The following GABRB3 variants were observed in gnomAD, a reference collection of about 807,000 sequenced individuals.
GABRB3 encodes the protein gamma-aminobutyric acid receptor subunit beta-3.
A neutral mutation model predicts 52.1 loss-of-function variants in GABRB3; 14 were observed. The ratio of observed to expected loss-of-function variants is 0.27; its 90% CI spans 0.18 to 0.42. The LOEUF (loss-of-function observed/expected upper bound fraction) is 0.42. GABRB3 is among the 10% of genes least tolerant of loss of function. GABRB3 has a pLI of 1.00. For missense variants in GABRB3, 307 were observed against 609.1 expected (o/e 0.50, Z 5.22); for synonymous variants, 260 against 232.3 (o/e 1.12, Z -1.08).
At chr15:26,562,305 G>C (rs1393181763) in intron 7 of GABRB3, among the ~76,000 whole-genome samples, 1 of 152,224 alleles carries the variant, frequency 6.6e-6, no homozygotes, top group Non-Finnish European at 1.5e-5. Flanking sequence ...TTTGAGGGCT[G>C]AGCTCTTTTC....
At chr15:26,724,257 C>T (rs116351438) in intron 3 of GABRB3, among the ~76,000 whole-genome samples, 3 of 152,274 alleles carry the variant, frequency 2.0e-5, no homozygotes, top group African/African-American at 7.2e-5. Flanking sequence ...CCTCCTGGGC[C>T]ATCACAGCTG....
chr15:26,717,662 C>T (rs1451636372), intron 3 of GABRB3, among the ~76,000 whole-genome samples: 1 of 152,180 alleles, frequency 6.6e-6, no homozygotes, highest in African/African-American at 2.4e-5. Context: ...TGGCTCCCTC[C>T]CTCACCCATC....
intron 3 of GABRB3, among the ~76,000 whole-genome samples, chr15:26,693,602 C>G (rs1888649515): frequency 6.6e-6 from 1 of 151,258 alleles, no homozygotes; most frequent in South Asian, 2.1e-4. Context: ...GTTCTCACAA[C>G]AAGAAAAAAA....
intron 3 of GABRB3, among the ~76,000 whole-genome samples, chr15:26,654,381 T>C (rs895108134): frequency 6.6e-6 from 1 of 152,112 alleles, no homozygotes; most frequent in East Asian, 1.9e-4. Context: ...CTCCTGACCT[T>C]GTGATCTGCC....
At chr15:26,687,895 ATTATT>A (rs1888457297) in intron 3 of GABRB3, among the ~76,000 whole-genome samples, 1 of 152,210 alleles carries the variant, frequency 6.6e-6, no homozygotes, top group Non-Finnish European at 1.5e-5. Flanking sequence ...ATAAACACCT[ATTATT>A]TTAATTGTTA....
At chr15:26,766,611 C>T (rs1321079163) in intron 3 of GABRB3, among the ~76,000 whole-genome samples, 1 of 151,576 alleles carries the variant, frequency 6.6e-6, no homozygotes, top group Non-Finnish European at 1.5e-5. Flanking sequence ...ATTTTATTTA[C>T]CATTATCCAA....
At chr15:26,746,505 T>G (rs1027665706) in intron 3 of GABRB3, among the ~76,000 whole-genome samples, 1 of 152,172 alleles carries the variant, frequency 6.6e-6, no homozygotes, top group Admixed American at 6.5e-5. Context: ...TAAGAATTCT[T>G]CTTCTAGCCC....
chr15:26,564,634 A>G (rs1395475486), intron 7 of GABRB3, among the ~76,000 whole-genome samples: 1 of 151,986 alleles, frequency 6.6e-6, no homozygotes, highest in African/African-American at 2.4e-5. Flanking sequence ...TGAATGCAAA[A>G]AGCACTGTAA....
At chr15:26,771,344 A>C (rs897473958) in intron 3 of GABRB3, among the ~76,000 whole-genome samples, 1 of 152,162 alleles carries the variant, frequency 6.6e-6, no homozygotes, top group African/African-American at 2.4e-5. Flanking sequence ...AGGAACTAGC[A>C]GGCACGCATT....
intron 3 of GABRB3, among the ~76,000 whole-genome samples, chr15:26,731,625 C>G (rs891243534): frequency 1.3e-5 from 2 of 152,024 alleles, no homozygotes; most frequent in African/African-American, 4.8e-5. Flanking sequence ...AGATAATGGC[C>G]TTCCCTCCCT....
intron 3 of GABRB3, among the ~76,000 whole-genome samples, chr15:26,698,557 T>C (rs1888819991): frequency 6.6e-6 from 1 of 151,550 alleles, no homozygotes; most frequent in African/African-American, 2.4e-5. Context: ...AGGATAAAAA[T>C]AGAAAAGAGA....
At chr15:26,706,479 C>T (rs536696665) in intron 3 of GABRB3, among the ~76,000 whole-genome samples, 1 of 150,802 alleles carries the variant, frequency 6.6e-6, no homozygotes, top group East Asian at 2.0e-4. Flanking sequence ...GCATGTTATG[C>T]TTTGTTAATA....
At chr15:26,581,402 C>T (rs1377797258) in intron 5 of GABRB3, among the ~76,000 whole-genome samples, 1 of 152,182 alleles carries the variant, frequency 6.6e-6, no homozygotes, top group Admixed American at 6.5e-5. Flanking sequence ...CAGCTAATGC[C>T]ACCTTCCTGG....
At position 26,586,455 on chromosome 15, in the gene GABRB3, G is replaced by A. The variant is rs367610327; in HGVS notation, c.462-3041C>T. ...ACATACACATAAACATGCCCAAATT[G>A]TTCGGGGACACCATGTGCAGTGGTC... On this transcript the variant is annotated intron_variant, in intron 4 of 8. Coordinates refer to ENST00000311550, the MANE Select transcript of GABRB3 (RefSeq NM_000814.6). Among the ~76,000 whole-genome samples the A allele has an allele frequency of 3.7e-5, 4 of 109,588 alleles. No individual in the cohort carries two copies. In the East Asian group the frequency reaches 1.3e-3, roughly 37 times the overall value. The allele number at this position is 109,588 out of a possible 152,430, so 71.9% of individuals were successfully genotyped here. A position where few individuals can be genotyped will look rare whatever the true frequency, so the allele number is the denominator to read the frequency against.
At chr15:26,763,918 G>C (rs1890892523) in intron 3 of GABRB3, among the ~76,000 whole-genome samples, 1 of 151,552 alleles carries the variant, frequency 6.6e-6, no homozygotes, top group African/African-American at 2.4e-5. Context: ...GGCCGAGGCG[G>C]GTGGATCACC....
intron 3 of GABRB3, chr15:26,642,473 A>G: frequency 7.8e-7 from 1 of 1,288,882 alleles, no homozygotes; most frequent in African/African-American, 1.5e-5. Context: ...AAATGAATCT[A>G]TAAGCCACGT....
At chr15:26,566,616 T>C (rs1028029026) in intron 7 of GABRB3, among the ~76,000 whole-genome samples, 13 of 152,024 alleles carry the variant, frequency 8.6e-5, no homozygotes, top group Non-Finnish European at 1.9e-4. Flanking sequence ...GTCCCCACTG[T>C]CCAGGAGGTA....
At chr15:26,760,409 T>C (rs1890782602) in intron 3 of GABRB3, among the ~76,000 whole-genome samples, 1 of 152,186 alleles carries the variant, frequency 6.6e-6, no homozygotes. Context: ...CCTTGGGATC[T>C]AAACGCTCTT....
intron 6 of GABRB3, among the ~76,000 whole-genome samples, chr15:26,571,750 A>G (rs1890406834): frequency 6.6e-6 from 1 of 152,070 alleles, no homozygotes; most frequent in African/African-American, 2.4e-5. Flanking sequence ...AAAATATACC[A>G]TTTTCTTTTG....
Sources: allele counts gnomAD v4.1 joint callset (sites outside exome capture counted in the v4.1 genomes callset), GRCh38; gene constraint gnomAD v4.1.1; transcripts MANE v1.5; gene names NCBI Gene and HGNC (gene_info 2026-07-23, HGNC 2026-07-21).